The following LPP variants were observed in gnomAD, a reference collection of about 807,000 sequenced individuals.
The protein encoded by LPP is LIM domain containing preferred translocation partner in lipoma.
In LPP, 38 loss-of-function variants were observed where a neutral mutation model predicts 60.4. The ratio of observed to expected loss-of-function variants is 0.63; its 90% confidence interval spans 0.49 to 0.83. The LOEUF is 0.83. Ranked by LOEUF, LPP falls within the 40% of genes least tolerant of loss-of-function variation. The pLI, the probability that LPP is intolerant of heterozygous loss-of-function variation, is 0.00. For synonymous variants in LPP, 328 were observed against 290.8 expected, an observed-to-expected ratio of 1.13 and a Z score of -1.30; for missense variants, 902 against 783.6, an observed-to-expected ratio of 1.15 and a Z score of -1.80.
intron 6 of LPP, among the ~76,000 whole-genome samples, chr3:188,571,088 G>T (rs1833434416): frequency 6.6e-6 from 1 of 151,888 alleles, no homozygotes; most frequent in South Asian, 2.1e-4. Flanking sequence ...ATAAAGAACT[G>T]CTAAAGAAAA....
intron 3 of LPP, among the ~76,000 whole-genome samples, chr3:188,401,488 C>G (rs2148815267): frequency 6.6e-6 from 1 of 152,304 alleles, no homozygotes; most frequent in South Asian, 2.1e-4. Flanking sequence ...CTTATGCTAG[C>G]TTTTCTGACA....
intron 6 of LPP, among the ~76,000 whole-genome samples, chr3:188,599,932 C>A (rs972983118): frequency 1.1e-4 from 17 of 151,904 alleles, no homozygotes; most frequent in Admixed American, 9.8e-4. Flanking sequence ...TAACTCATCA[C>A]CAGATTTCAG....
chr3:188,769,830 A>C (rs1240299624), intron 9 of LPP, among the ~76,000 whole-genome samples: 1 of 152,208 alleles, frequency 6.6e-6, no homozygotes, highest in Admixed American at 6.5e-5. Flanking sequence ...TGGAGAGTGT[A>C]GAAATAGGAC....
intron 9 of LPP, among the ~76,000 whole-genome samples, chr3:188,856,887 C>A (rs1256392321): frequency 6.6e-6 from 1 of 152,192 alleles, no homozygotes; most frequent in Non-Finnish European, 1.5e-5. Context: ...GTGCAACAAT[C>A]TTGTTTTGAC....
intron 9 of LPP, among the ~76,000 whole-genome samples, chr3:188,815,582 C>G (rs1476339480): frequency 2.0e-5 from 3 of 151,152 alleles, no homozygotes; most frequent in African/African-American, 4.9e-5. Flanking sequence ...TTGACTCTTA[C>G]GCTTAGGCAA....
chr3:188,467,975 G>A (rs747513261), intron 4 of LPP, among the ~76,000 whole-genome samples: 2 of 152,074 alleles, frequency 1.3e-5, no homozygotes, highest in African/African-American at 4.8e-5. Context: ...AACAGAAAAC[G>A]AATACACACA....
At chr3:188,499,088 A>AT (rs1811088510) in intron 5 of LPP, among the ~76,000 whole-genome samples, 1 of 151,980 alleles carries the variant, frequency 6.6e-6, no homozygotes, top group Non-Finnish European at 1.5e-5. Flanking sequence ...ACTTTCTCCC[A>AT]TTTTGAAGAT....
intron 7 of LPP, among the ~76,000 whole-genome samples, chr3:188,700,384 A>G (rs769442844): frequency 2.0e-5 from 3 of 152,214 alleles, no homozygotes; most frequent in Admixed American, 6.5e-5. Context: ...TGCGACAGAT[A>G]GTGGGTATCC....
chr3:188,814,378 T>C (rs916813713), intron 9 of LPP, among the ~76,000 whole-genome samples: 1 of 152,162 alleles, frequency 6.6e-6, no homozygotes, highest in Non-Finnish European at 1.5e-5. Flanking sequence ...GAAGTAGAGG[T>C]GAAGATAGTT....
intron 3 of LPP, among the ~76,000 whole-genome samples, chr3:188,353,121 T>C (rs1375069742): frequency 6.6e-6 from 1 of 152,200 alleles, no homozygotes; most frequent in Non-Finnish European, 1.5e-5. Flanking sequence ...CTGTATAATG[T>C]CAAGTATTTT....
intron 8 of LPP, among the ~76,000 whole-genome samples, chr3:188,759,096 C>A (rs1018107496): frequency 6.6e-6 from 1 of 152,140 alleles, no homozygotes; most frequent in African/African-American, 2.4e-5. Context: ...TAGATGTGGA[C>A]GTGACGTCTA....
chr3:188,866,161 T>G (rs762394773), intron 9 of LPP, 39 bp from the exon 10 acceptor site: 31 of 1,420,176 alleles, frequency 2.2e-5, no homozygotes, highest in Non-Finnish European at 2.4e-5. Context: ...TGGACCCCCT[T>G]CTGTCCCAGT....
chr3:188,838,705 A>G (rs1363287906), intron 9 of LPP, among the ~76,000 whole-genome samples: 2 of 152,210 alleles, frequency 1.3e-5, no homozygotes, highest in East Asian at 3.8e-4. Flanking sequence ...TGTCCTTTTC[A>G]GGGACATGGA....
intron 6 of LPP, among the ~76,000 whole-genome samples, chr3:188,539,018 G>A (rs948845838): frequency 5.9e-5 from 9 of 152,146 alleles, no homozygotes; most frequent in Non-Finnish European, 1.2e-4. Flanking sequence ...AGGGGGAGGG[G>A]ACAATACAGA....
At chr3:188,652,043 T>C (rs1474831923) in intron 7 of LPP, among the ~76,000 whole-genome samples, 1 of 152,208 alleles carries the variant, frequency 6.6e-6, no homozygotes, top group Non-Finnish European at 1.5e-5. Flanking sequence ...TACCTCTGAC[T>C]CTAAAGCCAC....
intron 3 of LPP, among the ~76,000 whole-genome samples, chr3:188,363,731 C>A (rs918420171): frequency 6.6e-6 from 1 of 151,812 alleles, no homozygotes; most frequent in Admixed American, 6.6e-5. Context: ...ATGGTGAAAC[C>A]CCGTCTCTAC....
chr3:188,729,858 G>A (rs760739840), intron 8 of LPP, among the ~76,000 whole-genome samples: 4 of 151,438 alleles, frequency 2.6e-5, no homozygotes, highest in Non-Finnish European at 5.9e-5. Context: ...GATGGCATAT[G>A]CTGTGGTTCC....
chr3:188,719,701 T>C (rs993071992), intron 8 of LPP, among the ~76,000 whole-genome samples: 1 of 152,106 alleles, frequency 6.6e-6, no homozygotes, highest in East Asian at 1.9e-4. Context: ...CAAACACAAT[T>C]AACTGTGAAC....
chr3:188,776,125 CAT>C (rs1434370091), intron 9 of LPP, among the ~76,000 whole-genome samples: 3 of 152,198 alleles, frequency 2.0e-5, no homozygotes, highest in African/African-American at 7.2e-5. Context: ...AAGTATCAGA[CAT>C]GTGAACAAAT....
Sources: gnomAD v4.1 joint callset for allele counts (sites outside exome capture counted in the v4.1 genomes callset) on GRCh38, gnomAD v4.1.1 for gene constraint, MANE v1.5 for transcripts, NCBI Gene and HGNC (gene_info 2026-07-23, HGNC 2026-07-21) for gene names.